Variants in SGCD observed in about 807,000 individuals in gnomAD.
The protein encoded by SGCD is sarcoglycan delta.
SGCD carries 18 observed loss-of-function variants against 36.6 expected under a neutral mutation model. That is an observed-to-expected ratio of 0.49 (90% CI 0.34 to 0.73). SGCD has a LOEUF of 0.73. SGCD is among the 30% of genes least tolerant of loss of function. The pLI, the probability that SGCD is intolerant of heterozygous loss-of-function variation, is 0.01. For synonymous variants in SGCD, 133 were observed against 130.6 expected, an observed-to-expected ratio of 1.02 and a Z score of -0.12; for missense variants, 387 against 346.7, an observed-to-expected ratio of 1.12 and a Z score of -0.92.
chr5:156,129,308 A>G (rs987132686), intron 3 of SGCD, among the ~76,000 whole-genome samples: 4 of 152,224 alleles, frequency 2.6e-5, no homozygotes, highest in Non-Finnish European at 4.4e-5. Context: ...GATAGGTATC[A>G]TTATTCCTAA....
chr5:156,127,701 C>T, intron 3 of SGCD, among the ~76,000 whole-genome samples: 1 of 151,492 alleles, frequency 6.6e-6, no homozygotes, highest in East Asian at 1.9e-4. Context: ...TTAACAAGAG[C>T]ACCACATTAC....
chr5:156,508,723 G>T (rs759282401), intron 4 of SGCD, 21 bp downstream of exon 4: 2 of 1,381,554 alleles, frequency 1.4e-6, no homozygotes, highest in African/African-American at 2.9e-5. Context: ...GCTGAGAGAA[G>T]GAGGCATTAT....
chr5:155,967,635 T>C (rs1346508200), intron 1 of SGCD, among the ~76,000 whole-genome samples: 1 of 152,058 alleles, frequency 6.6e-6, no homozygotes, highest in Non-Finnish European at 1.5e-5. Flanking sequence ...AGCACAATGC[T>C]CTTTAAAGGC....
intron 1 of SGCD, among the ~76,000 whole-genome samples, chr5:156,012,913 G>A (rs865966489): frequency 6.7e-6 from 1 of 150,064 alleles, no homozygotes. Flanking sequence ...GCCCACGAAA[G>A]CTTCTTTTTA....
chr5:155,864,446 G>T, the SGCD span, among the ~76,000 whole-genome samples: 1 of 152,022 alleles, frequency 6.6e-6, no homozygotes, highest in Non-Finnish European at 1.5e-5. Flanking sequence ...GGTTGTTTAG[G>T]ATATAGGTGA....
chr5:156,498,880 T>C (rs1756319705), intron 3 of SGCD, among the ~76,000 whole-genome samples: 1 of 151,992 alleles, frequency 6.6e-6, no homozygotes, highest in Non-Finnish European at 1.5e-5. Context: ...TATGTTCCCC[T>C]TAGTGGTATA....
At position 156,595,184 on chromosome 5, in the gene SGCD, T is replaced by C; in HGVS notation, c.502+133T>C. On this transcript the variant is annotated intron_variant, in intron 6 of 8. Coordinates refer to ENST00000337851, the MANE Select transcript of SGCD (RefSeq NM_000337.6). ...GAAATCCTAACTCCCAAGATAATGG[T>C]ATTAGGAGGTGGAGCCTTGAGGGGT... 3.8e-6 allele frequency: 4 copies of C among 1,065,696 alleles called. 1 individual carries two copies. In the South Asian group the frequency reaches 6.8e-5, roughly 18 times the overall value. The allele number at this position is 1,065,696 out of a possible 1,614,324, so 66.0% of individuals were successfully genotyped here.
chr5:156,137,107 A>C (rs78501042), intron 3 of SGCD, among the ~76,000 whole-genome samples: 3,073 of 152,312 alleles, frequency 0.02, 45 homozygotes, highest in Non-Finnish European at 0.034. Context: ...TACCCCCAGG[A>C]CAAAACGAGA....
chr5:156,052,122 G>A lies in SGCD; in HGVS notation c.-281-65756G>A, dbSNP rs747958500. ...CCAGAGTTCCTGCTAGAGCACTTCC[G>A]CCCACAGCTTGAATCCCAAGTTCCA... On this transcript the variant is annotated intron_variant, in intron 1 of 9. Coordinates refer to the SGCD transcript ENST00000517913. 2.6e-4 allele frequency among the ~76,000 whole-genome samples: 38 copies of A among 146,274 alleles called. 5 individuals carry two copies. The highest frequency in any genetic ancestry group is 3.5e-4 in the Non-Finnish European group (23 of 64,852).
chr5:155,990,677 G>T (rs981773194), intron 1 of SGCD, among the ~76,000 whole-genome samples: 1 of 152,122 alleles, frequency 6.6e-6, no homozygotes, highest in African/African-American at 2.4e-5. Context: ...TAATGGGATT[G>T]ATTTATTTAA....
chr5:156,528,224 G>A (rs945831723), intron 4 of SGCD, among the ~76,000 whole-genome samples: 1 of 152,046 alleles, frequency 6.6e-6, no homozygotes, highest in Non-Finnish European at 1.5e-5. Flanking sequence ...GACCTTTTCT[G>A]TGCCTCACTT....
intron 6 of SGCD, among the ~76,000 whole-genome samples, chr5:156,621,349 T>A (rs1419862083): frequency 2.6e-5 from 4 of 152,160 alleles, no homozygotes; most frequent in Non-Finnish European, 5.9e-5. Flanking sequence ...GCTACCACCA[T>A]GCCCAGCTAA....
chr5:156,723,719 A>C (rs1298679908), intron 7 of SGCD, among the ~76,000 whole-genome samples: 1 of 152,144 alleles, frequency 6.6e-6, no homozygotes, highest in Non-Finnish European at 1.5e-5. Flanking sequence ...TGAGAGGTGA[A>C]AGGAAGGCAT....
intron 4 of SGCD, among the ~76,000 whole-genome samples, chr5:156,588,140 TC>T (rs1264734163): frequency 7.9e-5 from 12 of 151,934 alleles, no homozygotes; most frequent in African/African-American, 2.9e-4. Flanking sequence ...GGCTTTAGTT[TC>T]CTCTAAGAAA....
intron 1 of SGCD, among the ~76,000 whole-genome samples, chr5:156,074,510 C>A (rs994725122): frequency 6.6e-6 from 1 of 151,960 alleles, no homozygotes; most frequent in African/African-American, 2.4e-5. Flanking sequence ...GGGGAAACCC[C>A]GTCTCTACTA....
chr5:156,234,447 CCTT>C (rs1458219176), intron 3 of SGCD, among the ~76,000 whole-genome samples: 1 of 152,150 alleles, frequency 6.6e-6, no homozygotes, highest in East Asian at 1.9e-4. Context: ...AGGCTTGACT[CCTT>C]CTCTAATGGC....
chr5:156,171,670 G>A (rs892148371), intron 3 of SGCD, among the ~76,000 whole-genome samples: 26 of 152,166 alleles, frequency 1.7e-4, no homozygotes, highest in African/African-American at 6.0e-4. Context: ...TAGGCATACA[G>A]TAGCACACTG....
At chr5:156,015,754 C>T (rs1422611150) in intron 1 of SGCD, among the ~76,000 whole-genome samples, 1 of 150,862 alleles carries the variant, frequency 6.6e-6, no homozygotes, top group African/African-American at 2.4e-5. Flanking sequence ...ATTCATATAT[C>T]ATTCATTCTT....
upstream of SGCD, among the ~76,000 whole-genome samples, chr5:155,867,987 G>A (rs1189814200): frequency 2.0e-5 from 3 of 152,110 alleles, no homozygotes; most frequent in Non-Finnish European, 4.4e-5. Context: ...ACCAAGGAGT[G>A]GAAAATGTTC....
Sources: gnomAD v4.1 joint callset for allele counts (sites outside exome capture counted in the v4.1 genomes callset) on GRCh38, gnomAD v4.1.1 for gene constraint, MANE v1.5 for transcripts, NCBI Gene and HGNC (gene_info 2026-07-23, HGNC 2026-07-21) for gene names.